The following UTRN variants were observed in gnomAD, a reference collection of about 807,000 sequenced individuals.
UTRN encodes the protein dystrophin-related protein 1.
In UTRN, 283 loss-of-function variants were observed where a neutral mutation model predicts 463.9. The observed-to-expected ratio is 0.61, with a 90% confidence interval of 0.55 to 0.67. The LOEUF (loss-of-function observed/expected upper bound fraction) is 0.67. Ranked by LOEUF, UTRN falls within the 30% of genes least tolerant of loss-of-function variation. UTRN has a pLI of 0.00. For synonymous variants in UTRN, 1,442 were observed against 1,431.5 expected, an observed-to-expected ratio of 1.01 and a Z score of -0.17; for missense variants, 3,922 against 4,084.3, an observed-to-expected ratio of 0.96 and a Z score of 1.08.
chr6:144,840,965 A>G, intron 73 of UTRN, 133 bp downstream of exon 73: 1 of 938,022 alleles, frequency 1.1e-6, no homozygotes, highest in East Asian at 2.7e-5. Flanking sequence ...TTATTTGAAA[A>G]TAAGGCAAAC....
At chr6:144,513,575 G>C (rs997494961) in intron 35 of UTRN, among the ~76,000 whole-genome samples, 1 of 152,142 alleles carries the variant, frequency 6.6e-6, no homozygotes, top group Non-Finnish European at 1.5e-5. Context: ...AAAGATTGAA[G>C]AGGGCAAATC....
intron 46 of UTRN, 25 bp downstream of exon 46, chr6:144,542,895 A>T: frequency 6.3e-7 from 1 of 1,586,802 alleles, no homozygotes; most frequent in Non-Finnish European, 8.6e-7. Context: ...TCTTTAACAA[A>T]GTTTTTTAAA....
intron 53 of UTRN, among the ~76,000 whole-genome samples, chr6:144,717,516 T>A (rs1786599146): frequency 6.6e-6 from 1 of 152,194 alleles, no homozygotes; most frequent in Non-Finnish European, 1.5e-5. Flanking sequence ...CTTTGCTTTC[T>A]AAGAATCTAA....
chr6:144,803,283 ACT>A (rs1777863877), intron 65 of UTRN, 136 bp downstream of exon 65: 2 of 471,134 alleles, frequency 4.2e-6, no homozygotes, highest in Non-Finnish European at 6.8e-6. Flanking sequence ...TTTTAAGTAA[ACT>A]CATTTATGTT....
intron 51 of UTRN, among the ~76,000 whole-genome samples, chr6:144,625,986 A>G (rs1011049163): frequency 5.3e-5 from 8 of 152,328 alleles, no homozygotes; most frequent in African/African-American, 1.9e-4. Flanking sequence ...TGGACCGATC[A>G]AACAGTTTTC....
chr6:144,321,545 C>T (rs1407273807), intron 2 of UTRN, among the ~76,000 whole-genome samples: 1 of 146,468 alleles, frequency 6.8e-6, no homozygotes, highest in Non-Finnish European at 1.5e-5. Context: ...TCTCGGCTCA[C>T]TGCAGCCTCT....
chr6:144,428,138 C>T (rs544467856), intron 7 of UTRN, among the ~76,000 whole-genome samples: 2 of 152,130 alleles, frequency 1.3e-5, no homozygotes, highest in East Asian at 3.9e-4. Flanking sequence ...GTCAAAGCAA[C>T]AATAATGTCC....
chr6:144,487,767 C>A, intron 29 of UTRN, 70 bp downstream of exon 29: 2 of 1,410,934 alleles, frequency 1.4e-6, no homozygotes, highest in Non-Finnish European at 9.5e-7. Flanking sequence ...AGCTCCATAT[C>A]ATAGAGCTTT....
At chr6:144,684,764 T>C (rs1264367101) in intron 52 of UTRN, among the ~76,000 whole-genome samples, 1 of 151,848 alleles carries the variant, frequency 6.6e-6, no homozygotes, top group Non-Finnish European at 1.5e-5. Context: ...TCCAGGGGGG[T>C]GCCTTCCTTC....
intron 51 of UTRN, among the ~76,000 whole-genome samples, chr6:144,584,118 C>G (rs1348274790): frequency 6.6e-6 from 1 of 152,150 alleles, no homozygotes; most frequent in Non-Finnish European, 1.5e-5. Context: ...ATTCTTAAAT[C>G]TCCATATATT....
intron 2 of UTRN, among the ~76,000 whole-genome samples, chr6:144,316,968 A>G (rs1295917215): frequency 6.6e-6 from 1 of 152,224 alleles, no homozygotes; most frequent in Non-Finnish European, 1.5e-5. Flanking sequence ...TGGTAAGATA[A>G]GGCCATGGGT....
intron 60 of UTRN, among the ~76,000 whole-genome samples, chr6:144,775,517 C>T (rs1388346514): frequency 6.6e-6 from 1 of 152,088 alleles, no homozygotes; most frequent in Non-Finnish European, 1.5e-5. Flanking sequence ...GAAAAGAAAG[C>T]CACCACGCTC....
At chr6:144,818,075 T>C (rs1187248816) in intron 65 of UTRN, among the ~76,000 whole-genome samples, 1 of 152,170 alleles carries the variant, frequency 6.6e-6, no homozygotes, top group Non-Finnish European at 1.5e-5. Context: ...ACTGGCACTT[T>C]TGAATAATTT....
chr6:144,770,908 A>G (rs1793934217), intron 58 of UTRN, among the ~76,000 whole-genome samples: 1 of 152,102 alleles, frequency 6.6e-6, no homozygotes, highest in Non-Finnish European at 1.5e-5. Context: ...GTAGATTTGC[A>G]CTGAGGAAAG....
intron 2 of UTRN, among the ~76,000 whole-genome samples, chr6:144,376,757 T>G (rs1472544622): frequency 6.6e-6 from 1 of 152,210 alleles, no homozygotes; most frequent in African/African-American, 2.4e-5. Flanking sequence ...TAAAGAATTA[T>G]GTATAAAATT....
chr6:144,560,679 T>G (rs1195574346), intron 50 of UTRN, among the ~76,000 whole-genome samples: 1 of 152,148 alleles, frequency 6.6e-6, no homozygotes, highest in Non-Finnish European at 1.5e-5. Flanking sequence ...AATTTAGCTA[T>G]TCACAATTAT....
At position 144,789,236 on chromosome 6, in the gene UTRN, A is replaced by G; in HGVS notation, c.8877A>G (p.Gly2959=). 1 of 1,613,562 alleles carries G rather than the reference A, an allele frequency of 6.2e-7. No homozygotes were observed. Among genetic ancestry groups the G allele is most frequent in the South Asian group, 1.1e-5 (1 of 91,002 alleles). ...TTAGAGTGCAGAGTCTGAAGATTGG[A>G]TTAATGTCTCTCTCCAAAGGTCTCT... ...GKIRVQSLKI[G]LMSLSKGLLE... Residue 2959 remains glycine, a synonymous_variant, in exon 62 of 75, where the codon GGA becomes GGG. Coordinates refer to ENST00000367545, the MANE Select transcript of UTRN (RefSeq NM_007124.3).
chr6:144,819,742 G>C (rs968134163), intron 65 of UTRN, among the ~76,000 whole-genome samples: 1 of 152,128 alleles, frequency 6.6e-6, no homozygotes, highest in Non-Finnish European at 1.5e-5. Flanking sequence ...TGTGAGTCCT[G>C]GGCATGCATG....
chr6:144,496,725 A>G (rs1341311035), intron 33 of UTRN, among the ~76,000 whole-genome samples: 1 of 152,242 alleles, frequency 6.6e-6, no homozygotes, highest in Non-Finnish European at 1.5e-5. Context: ...ATGTCACATT[A>G]TCAGTCTGAA....
Sources: allele counts gnomAD v4.1 joint callset (sites outside exome capture counted in the v4.1 genomes callset), GRCh38; gene constraint gnomAD v4.1.1; transcripts MANE v1.5; gene names NCBI Gene and HGNC (gene_info 2026-07-23, HGNC 2026-07-21).